CNBD1: variants seen among roughly 807,000 people sequenced by gnomAD.
The protein encoded by CNBD1 is cyclic nucleotide binding domain containing 1.
In CNBD1, 71 loss-of-function variants were observed where a neutral mutation model predicts 54.4. The observed-to-expected ratio is 1.30, with a 90% CI of 1.08 to 1.59. The LOEUF is 1.59. Ranked by LOEUF, CNBD1 falls within the 40% of genes most tolerant of loss-of-function variation. The probability of loss-of-function intolerance (pLI) is 0.00; values close to 1 mark genes in which losing one functional copy is unlikely to be tolerated. For missense variants in CNBD1, 659 were observed against 518.0 expected (o/e 1.27, Z -2.64); for synonymous variants, 182 against 170.7 (o/e 1.07, Z -0.51).
At chr8:87,342,621 A>G (rs572169977) in intron 8 of CNBD1, among the ~76,000 whole-genome samples, 1 of 152,264 alleles carries the variant, frequency 6.6e-6, no homozygotes, top group South Asian at 2.1e-4. Context: ...AAGGGTATAA[A>G]GAGAGGTAAT....
intron 4 of CNBD1, among the ~76,000 whole-genome samples, chr8:87,021,058 C>T (rs74422487): frequency 0.026 from 3,954 of 152,230 alleles, 54 homozygotes; most frequent in Middle Eastern, 0.044. Flanking sequence ...TGAGTTGTCC[C>T]GCCTTTCTAA....
At chr8:87,047,797 C>G (rs1174736037) in intron 4 of CNBD1, among the ~76,000 whole-genome samples, 1 of 152,154 alleles carries the variant, frequency 6.6e-6, no homozygotes, top group Non-Finnish European at 1.5e-5. Context: ...CATGGATAAT[C>G]AAAGTCCCCC....
Position 86,944,020 on chromosome 8 carries a change from T to A in CNBD1, c.431+4266T>A, listed in dbSNP as rs141234025. 3.5e-4 allele frequency among the ~76,000 whole-genome samples: 53 copies of A among 152,266 alleles called. 1 individual carries two copies. Among genetic ancestry groups the A allele is most frequent in the African/African-American group, 1.2e-3 (51 of 41,556 alleles). On this transcript the variant is annotated intron_variant, in intron 4 of 10. Coordinates refer to ENST00000518476, the MANE Select transcript of CNBD1 (RefSeq NM_173538.3). ...GGGATAGGGAGTCAGATTGTTGTAGTTTATTTTTATACCCACCCTTGAATA... is the reference window on the plus strand; with the variant it reads ...GGGATAGGGAGTCAGATTGTTGTAGATTATTTTTATACCCACCCTTGAATA...
intron 4 of CNBD1, among the ~76,000 whole-genome samples, chr8:87,083,390 C>T (rs368168382): frequency 6.6e-6 from 1 of 152,212 alleles, no homozygotes; most frequent in East Asian, 1.9e-4. Context: ...CCTCTATGGG[C>T]AGCCACTATA....
At chr8:87,079,402 C>A (rs914442848) in intron 4 of CNBD1, among the ~76,000 whole-genome samples, 1 of 152,020 alleles carries the variant, frequency 6.6e-6, no homozygotes. Flanking sequence ...AAATTGTTTT[C>A]TAATGTGGCA....
intron 4 of CNBD1, among the ~76,000 whole-genome samples, chr8:87,033,613 C>G (rs1297482302): frequency 6.6e-6 from 1 of 152,120 alleles, no homozygotes; most frequent in African/African-American, 2.4e-5. Flanking sequence ...GTTAGCCTGC[C>G]CCTTCCTGTC....
At chr8:87,017,637 T>C (rs1809391482) in intron 4 of CNBD1, among the ~76,000 whole-genome samples, 1 of 152,196 alleles carries the variant, frequency 6.6e-6, no homozygotes, top group Non-Finnish European at 1.5e-5. Context: ...CAGTGCCTAA[T>C]AGCTCTCGTG....
At chr8:86,933,938 G>A (rs1370499686) in intron 3 of CNBD1, among the ~76,000 whole-genome samples, 1 of 151,948 alleles carries the variant, frequency 6.6e-6, no homozygotes, top group African/African-American at 2.4e-5. Flanking sequence ...TAAATAATTG[G>A]ATGTTATGCC....
chr8:86,988,424 G>A (rs1808660246), intron 4 of CNBD1, among the ~76,000 whole-genome samples: 1 of 152,112 alleles, frequency 6.6e-6, no homozygotes, highest in Non-Finnish European at 1.5e-5. Context: ...TGGAGTACAT[G>A]AGATATTTTA....
chr8:87,011,084 T>C (rs750408272), intron 4 of CNBD1, among the ~76,000 whole-genome samples: 35 of 152,178 alleles, frequency 2.3e-4, no homozygotes, highest in Admixed American at 1.8e-3. Flanking sequence ...CTATGGCTCA[T>C]TGAGCCTTTC....
At chr8:86,871,334 C>T (rs1808440732) in intron 1 of CNBD1, among the ~76,000 whole-genome samples, 1 of 152,236 alleles carries the variant, frequency 6.6e-6, no homozygotes, top group African/African-American at 2.4e-5. Flanking sequence ...ATCCTTCAGA[C>T]AACTGAAGAT....
intron 2 of CNBD1, among the ~76,000 whole-genome samples, chr8:87,397,285 A>G (rs1008049880): frequency 6.6e-6 from 1 of 151,904 alleles, no homozygotes; most frequent in African/African-American, 2.4e-5. Context: ...CATGACTAGA[A>G]ATGTTTGTAT....
At chr8:87,218,157 G>A (rs915088845) in intron 5 of CNBD1, among the ~76,000 whole-genome samples, 1 of 152,000 alleles carries the variant, frequency 6.6e-6, no homozygotes, top group African/African-American at 2.4e-5. Flanking sequence ...ACTCCTGGCA[G>A]GGCTGACTCT....
chr8:86,976,831 A>G (rs1229508908), intron 4 of CNBD1, among the ~76,000 whole-genome samples: 1 of 151,948 alleles, frequency 6.6e-6, no homozygotes, highest in African/African-American at 2.4e-5. Context: ...TTTTATAAAT[A>G]GTTTTTAGAA....
rs571478448 is a variant in CNBD1, at chr8:87,265,272, G to T, written c.772-19406G>T. Among the ~76,000 whole-genome samples the T allele has an allele frequency of 1.4e-3, 218 of 152,094 alleles. 1 individual carries two copies. Among genetic ancestry groups the T allele is most frequent in the African/African-American group, 4.7e-3 (193 of 41,476 alleles). ...TTAAATAGGGAATCCTTTCCCCATT[G>T]CTTGTTTTTCTCAGGTTTGTCAAAG... On this transcript the variant is annotated intron_variant, in intron 6 of 10. Transcript: ENST00000518476.
intron 4 of CNBD1, among the ~76,000 whole-genome samples, chr8:86,970,853 A>G (rs536924478): frequency 1.3e-5 from 2 of 152,000 alleles, no homozygotes; most frequent in African/African-American, 2.4e-5. Flanking sequence ...TATCCAATCC[A>G]CCACTGAAGG....
chr8:87,367,280 T>G (rs1220208457), intron 10 of CNBD1, among the ~76,000 whole-genome samples: 1 of 152,072 alleles, frequency 6.6e-6, no homozygotes, highest in African/African-American at 2.4e-5. Flanking sequence ...GGTCTCAAGG[T>G]GTAGTCAGAC....
intron 4 of CNBD1, among the ~76,000 whole-genome samples, chr8:87,068,450 T>G (rs1289740069): frequency 6.6e-6 from 1 of 152,014 alleles, no homozygotes; most frequent in Non-Finnish European, 1.5e-5. Flanking sequence ...GGGTTTTATG[T>G]AAAGAAACAA....
chr8:87,309,502 C>A (rs1160520850), intron 8 of CNBD1, among the ~76,000 whole-genome samples: 1 of 152,110 alleles, frequency 6.6e-6, no homozygotes, highest in Non-Finnish European at 1.5e-5. Flanking sequence ...TAACTGCCTT[C>A]ATATGATTTC....
Sources: gnomAD v4.1 joint callset for allele counts (sites outside exome capture counted in the v4.1 genomes callset) on GRCh38, gnomAD v4.1.1 for gene constraint, MANE v1.5 for transcripts, NCBI Gene and HGNC (gene_info 2026-07-23, HGNC 2026-07-21) for gene names.